FBXL13: variants seen among roughly 807,000 people sequenced by gnomAD.
FBXL13 encodes F-box and leucine rich repeat protein 13.
Under a neutral mutation model 83.6 loss-of-function variants are expected in FBXL13, and 67 were observed. The ratio of observed to expected loss-of-function variants is 0.80; its 90% CI spans 0.66 to 0.98. FBXL13 has a LOEUF of 0.98. Among genes scored for constraint, FBXL13 ranks in the 50% least tolerant of loss-of-function variants. The probability of loss-of-function intolerance (pLI) is 0.00; values close to 1 mark genes in which losing one functional copy is unlikely to be tolerated. For synonymous variants in FBXL13, 272 were observed against 299.5 expected, an observed-to-expected ratio of 0.91 and a Z score of 0.95; for missense variants, 822 against 866.5, an observed-to-expected ratio of 0.95 and a Z score of 0.64.
intron 11 of FBXL13, among the ~76,000 whole-genome samples, chr7:102,897,144 T>G (rs1200278424): frequency 6.6e-6 from 1 of 151,732 alleles, no homozygotes; most frequent in Non-Finnish European, 1.5e-5. Flanking sequence ...TGTATCTATA[T>G]GAGGAAATAT....
At chr7:102,862,030 T>C (rs934890119) in intron 16 of FBXL13, among the ~76,000 whole-genome samples, 1 of 148,164 alleles carries the variant, frequency 6.7e-6, no homozygotes, top group African/African-American at 2.5e-5. Flanking sequence ...GTATAGTGTA[T>C]GTATATGTGT....
chr7:102,949,674 G>A (rs535501833), intron 8 of FBXL13, among the ~76,000 whole-genome samples: 1 of 152,148 alleles, frequency 6.6e-6, no homozygotes, highest in Admixed American at 6.5e-5. Context: ...GTACTAAGAA[G>A]TACACTTCCA....
At chr7:103,033,172 TTTTG>T (rs1227219635) in intron 2 of FBXL13, among the ~76,000 whole-genome samples, 6 of 152,324 alleles carry the variant, frequency 3.9e-5, no homozygotes, top group African/African-American at 2.4e-5. Flanking sequence ...TGTTTTTTGT[TTTTG>T]TTTTTCTTTT....
At chr7:102,980,819 T>C (rs145501043) in intron 6 of FBXL13, among the ~76,000 whole-genome samples, 1 of 149,038 alleles carries the variant, frequency 6.7e-6, no homozygotes, top group East Asian at 1.9e-4. Context: ...ATCAAAAAAA[T>C]AGGGATAAAT....
chr7:102,916,553 T>G (rs1343716181), intron 10 of FBXL13, among the ~76,000 whole-genome samples: 1 of 152,186 alleles, frequency 6.6e-6, no homozygotes, highest in Admixed American at 6.5e-5. Context: ...TTCTGCAGAC[T>G]TAAAGCTGCT....
intron 11 of FBXL13, among the ~76,000 whole-genome samples, chr7:102,904,274 G>T (rs545592195): frequency 3.6e-4 from 54 of 151,996 alleles, no homozygotes; most frequent in African/African-American, 1.2e-3. Context: ...TTTCAAATTT[G>T]TTAGCATATA....
At chr7:103,026,224 C>T (rs1014874519) in intron 5 of FBXL13, among the ~76,000 whole-genome samples, 1 of 151,860 alleles carries the variant, frequency 6.6e-6, no homozygotes, top group African/African-American at 2.4e-5. Flanking sequence ...CTGCATCCTC[C>T]ACCTCAAGGG....
At chr7:103,025,135 A>G (rs752275209) in exon 6 of FBXL13, 34 of 1,612,748 alleles carry the variant, frequency 2.1e-5, no homozygotes, top group Non-Finnish European at 2.6e-5. Context: ...AGACTTCAGA[A>G]GAACTTCGTT....
rs1799714313 is a variant in FBXL13, at chr7:102,826,734, T to TC, written c.1855-4532_1855-4531insG. 1.2e-4 allele frequency among the ~76,000 whole-genome samples: 5 copies of TC among 42,968 alleles called. 1 individual carries two copies. The highest frequency in any genetic ancestry group is 7.0e-4 in the Admixed American group (3 of 4,296). 28.2% of individuals were successfully genotyped at this position (42,968 alleles called of 152,430 possible). A position where few individuals can be genotyped will look rare whatever the true frequency, so the allele number is the denominator to read the frequency against. Reference sequence around the variant, plus strand: ...AGTGAGACCCTGTCTCATATATATATATATATATATATATATATATATATA... The same window carrying TC: ...AGTGAGACCCTGTCTCATATATATATCATATATATATATATATATATATATA... On this transcript the variant is annotated intron_variant, in intron 18 of 19. Coordinates refer to ENST00000313221, the Ensembl canonical transcript of FBXL13.
intron 2 of FBXL13, among the ~76,000 whole-genome samples, chr7:103,037,078 T>C (rs1477399506): frequency 1.3e-5 from 2 of 152,216 alleles, no homozygotes; most frequent in Non-Finnish European, 2.9e-5. Flanking sequence ...ATAAATATCA[T>C]ATCATTATTA....
chr7:102,909,164 C>T (rs978998244), intron 11 of FBXL13, among the ~76,000 whole-genome samples: 2 of 152,216 alleles, frequency 1.3e-5, no homozygotes, highest in African/African-American at 4.8e-5. Context: ...AGGAACCTTA[C>T]CCTGTAGCCA....
intron 10 of FBXL13, among the ~76,000 whole-genome samples, chr7:102,922,399 A>G (rs1355373851): frequency 6.6e-6 from 1 of 152,290 alleles, no homozygotes; most frequent in East Asian, 1.9e-4. Flanking sequence ...ATGCAAAAAT[A>G]TAAATTAGTT....
At chr7:102,866,173 A>G (rs1370339983) in intron 16 of FBXL13, among the ~76,000 whole-genome samples, 1 of 152,190 alleles carries the variant, frequency 6.6e-6, no homozygotes, top group South Asian at 2.1e-4. Flanking sequence ...CTGAAAGTAG[A>G]CCAACTTGCC....
chr7:102,948,960 C>A (rs1335230363), intron 8 of FBXL13, among the ~76,000 whole-genome samples: 1 of 152,222 alleles, frequency 6.6e-6, no homozygotes, highest in East Asian at 1.9e-4. Context: ...GATCCGCGTG[C>A]CTTGGCCTCT....
chr7:103,015,525 C>A (rs1345147172), intron 6 of FBXL13, among the ~76,000 whole-genome samples: 2 of 152,140 alleles, frequency 1.3e-5, no homozygotes, highest in Non-Finnish European at 2.9e-5. Context: ...TAGCTGTGCA[C>A]AGTGGCTCAT....
At chr7:103,045,983 G>A (rs1796235274) in intron 2 of FBXL13, among the ~76,000 whole-genome samples, 2 of 152,210 alleles carry the variant, frequency 1.3e-5, no homozygotes, top group African/African-American at 4.8e-5. Flanking sequence ...CTGCATGCAA[G>A]ATTTAAAACC....
intron 11 of FBXL13, among the ~76,000 whole-genome samples, chr7:102,898,235 A>C (rs528927620): frequency 2.9e-4 from 44 of 152,280 alleles, no homozygotes; most frequent in African/African-American, 1.0e-3. Context: ...ATACATATAT[A>C]TCCATGTATA....
At chr7:102,826,694 C>T (rs1333034684) in intron 18 of FBXL13, among the ~76,000 whole-genome samples, 2 of 130,536 alleles carry the variant, frequency 1.5e-5, no homozygotes, top group South Asian at 2.4e-4. Flanking sequence ...CACTATACTA[C>T]AGCCTGGGAG....
At chr7:102,816,869 T>C (rs1253118344) in intron 19 of FBXL13, among the ~76,000 whole-genome samples, 1 of 152,248 alleles carries the variant, frequency 6.6e-6, no homozygotes, top group African/African-American at 2.4e-5. Flanking sequence ...TTTGGTTTTC[T>C]GTTTCTCTGT....
Sources: allele counts gnomAD v4.1 joint callset (sites outside exome capture counted in the v4.1 genomes callset), GRCh38; gene constraint gnomAD v4.1.1; transcripts MANE v1.5; gene names NCBI Gene and HGNC (gene_info 2026-07-23, HGNC 2026-07-21).